Variants in USP31 observed in about 807,000 individuals in gnomAD.
The protein encoded by USP31 is ubiquitin carboxyl-terminal hydrolase 31.
Under a neutral mutation model 119.4 loss-of-function variants are expected in USP31, and 44 were observed. The ratio of observed to expected loss-of-function variants is 0.37; its 90% confidence interval spans 0.29 to 0.47. USP31 has a LOEUF of 0.47. Ranked by LOEUF, USP31 falls within the 20% of genes least tolerant of loss-of-function variation. The pLI is 0.99. For missense variants in USP31, 1,643 were observed against 1,730.2 expected, an observed-to-expected ratio of 0.95 and a Z score of 0.89; for synonymous variants, 749 against 705.6, an observed-to-expected ratio of 1.06 and a Z score of -0.97.
At position 23,068,136 on chromosome 16, in the gene USP31, A is replaced by G; in HGVS notation, c.3969T>C (p.Ser1323=). ...TCTCTGCAGACTGCCTGCCACCCGG[A>G]GACGAGGGAACTCCAGAGTCTAGTT... ...SSQLDSGVPS[S]PGGRQSAEKS... The change falls in exon 16 of 16, where the codon TCT becomes TCC. Residue 1323 remains serine (S), a synonymous_variant. Coordinates refer to ENST00000219689, the MANE Select transcript of USP31 (RefSeq NM_020718.4). 1 of 1,614,206 alleles carries G rather than the reference A, an allele frequency of 6.2e-7. No homozygotes were observed. The highest frequency in any genetic ancestry group is 8.5e-7 in the Non-Finnish European group (1 of 1,180,048).
chr16:23,140,657 T>C (rs1903328269), intron 1 of USP31, among the ~76,000 whole-genome samples: 1 of 152,136 alleles, frequency 6.6e-6, no homozygotes, highest in Non-Finnish European at 1.5e-5. Flanking sequence ...TGGTGACGCC[T>C]CCAAAATGTT....
At chr16:23,076,692 C>T (rs951883864) in intron 13 of USP31, among the ~76,000 whole-genome samples, 1 of 152,200 alleles carries the variant, frequency 6.6e-6, no homozygotes, top group African/African-American at 2.4e-5. Context: ...TAAAGTCTAG[C>T]CCTGTCTTAT....
At chr16:23,100,127 A>G (rs1901787344) in intron 6 of USP31, among the ~76,000 whole-genome samples, 1 of 152,152 alleles carries the variant, frequency 6.6e-6, no homozygotes, top group South Asian at 2.1e-4. Flanking sequence ...AAGTACCCCA[A>G]ATGATTAAAC....
chr16:23,083,977 C>T (rs527308781), intron 11 of USP31, among the ~76,000 whole-genome samples: 4 of 152,146 alleles, frequency 2.6e-5, no homozygotes, highest in Non-Finnish European at 5.9e-5. Flanking sequence ...CTATCTCTGT[C>T]TTAACGAGGC....
At chr16:23,083,324 T>C (rs1900922144) in intron 11 of USP31, among the ~76,000 whole-genome samples, 1 of 152,176 alleles carries the variant, frequency 6.6e-6, no homozygotes, top group South Asian at 2.1e-4. Context: ...TCCAGGAACT[T>C]TGCTTCCTTT....
intron 2 of USP31, 45 bp downstream of exon 2, chr16:23,108,001 A>G (rs374532865): frequency 7.0e-6 from 11 of 1,566,830 alleles, no homozygotes; most frequent in East Asian, 2.3e-5. Flanking sequence ...GAATCTACAC[A>G]CTCTCATGGC....
rs1205102447 is a variant in USP31, at chr16:23,106,480, G to A, written c.779C>T (p.Ser260Leu). 1 of 1,605,780 alleles carries A rather than the reference G, an allele frequency of 6.2e-7. No homozygotes were observed. Among genetic ancestry groups the A allele is most frequent in the East Asian group, 2.2e-5 (1 of 44,840 alleles). The change falls in exon 3 of 16, where the codon TCA becomes TTA. Residue 260 changes from serine (S) to leucine (L), a missense_variant. Transcript: ENST00000219689. ...TCCCTCAGGCATCATATCAGTCTCT[G>A]ATGGTGGCTAAAAAAAAAAGAAAGT... Reference protein sequence around the residue: ...QSGQPPLKPPSETDMMPEGPS... With the variant: ...QSGQPPLKPPLETDMMPEGPS...
At chr16:23,145,513 T>C (rs966126666) in intron 1 of USP31, among the ~76,000 whole-genome samples, 5 of 152,028 alleles carry the variant, frequency 3.3e-5, no homozygotes, top group Admixed American at 2.6e-4. Context: ...ATTGACATGG[T>C]TATAGCCAAT....
In USP31 at chr16:23,080,538, T is replaced by A. The variant is rs78524060; in HGVS notation, c.1951-367A>T. Among the ~76,000 whole-genome samples the A allele has an allele frequency of 7.0e-3, 1,062 of 152,316 alleles. 7 individuals are homozygous for A. The highest frequency in any genetic ancestry group is 0.024 in the African/African-American group (1,018 of 41,568). ...GAAAACTAATGATGTGATGGCTCCA[T>A]GAAGGGCAAACCACAGCGCCTGGTG... On this transcript the variant is annotated intron_variant, in intron 12 of 15. Transcript: ENST00000219689.
At chr16:23,143,718 T>C (rs1223858216) in intron 1 of USP31, among the ~76,000 whole-genome samples, 1 of 152,160 alleles carries the variant, frequency 6.6e-6, no homozygotes, top group Non-Finnish European at 1.5e-5. Flanking sequence ...GCCTCAGCAC[T>C]ACTGACACTT....
At chr16:23,134,891 TACAC>T (rs10580256) in intron 1 of USP31, among the ~76,000 whole-genome samples, 35,224 of 149,496 alleles carry the variant, frequency 0.24, 4,725 homozygotes, top group Admixed American at 0.32. Context: ...TGTTACCTTA[TACAC>T]ACACACACAC....
In USP31 at chr16:23,069,153, A is replaced by G; in HGVS notation, c.2952T>C (p.Asp984=). 6.2e-7 allele frequency: 1 copy of G among 1,614,020 alleles called. No individual in the cohort carries two copies. The highest frequency in any genetic ancestry group is 8.5e-7 in the Non-Finnish European group (1 of 1,180,024). Reference sequence around the variant, plus strand: ...CCACATAAGCGATCTGATTATTGTTATCAAATGGACCAGAGAGCGGGGGCA... The same window carrying G: ...CCACATAAGCGATCTGATTATTGTTGTCAAATGGACCAGAGAGCGGGGGCA... ...DRLPPLSGPF[D]NNNQIAYVDQ... The change falls in exon 16 of 16, where the codon GAT becomes GAC. Residue 984 remains aspartate, a synonymous_variant. Coordinates refer to ENST00000219689, the MANE Select transcript of USP31 (RefSeq NM_020718.4).
chr16:23,071,930 C>T, intron 15 of USP31, 115 bp downstream of exon 15: 1 of 1,399,188 alleles, frequency 7.1e-7, no homozygotes. Context: ...CCCTGTAGCT[C>T]CCTTTGGGTT....
chr16:23,075,843 T>C (rs1024346169), intron 13 of USP31, among the ~76,000 whole-genome samples: 3 of 152,088 alleles, frequency 2.0e-5, no homozygotes, highest in Non-Finnish European at 2.9e-5. Flanking sequence ...TCCCAACACT[T>C]TGTGAGGCTG....
intron 13 of USP31, among the ~76,000 whole-genome samples, chr16:23,075,896 G>A (rs1473538109): frequency 6.6e-6 from 1 of 152,126 alleles, no homozygotes; most frequent in African/African-American, 2.4e-5. Context: ...GACCAGTCTG[G>A]ACAACATAGT....
At chr16:23,136,120 G>C (rs1165361733) in intron 1 of USP31, among the ~76,000 whole-genome samples, 1 of 152,142 alleles carries the variant, frequency 6.6e-6, no homozygotes, top group Non-Finnish European at 1.5e-5. Flanking sequence ...TTGTCAACCA[G>C]GGTATAGTCC....
rs527721721 is a variant in USP31 at position 23,063,826 on chromosome 16, C to G, written c.*4220G>C. ...GCATGCTTTCTGAGTTATATGGAGG[C>G]CACGCACAATTGTTTTTACTTGGGG... On this transcript the variant is annotated 3_prime_UTR_variant, in exon 16 of 16. Coordinates refer to ENST00000219689, the MANE Select transcript of USP31 (RefSeq NM_020718.4). 3.3e-5 allele frequency: 5 copies of G among 151,766 alleles called. No homozygotes were observed. Among genetic ancestry groups the G allele is most frequent in the African/African-American group, 9.7e-5 (4 of 41,380 alleles). 9.4% of individuals were successfully genotyped at this position (151,766 alleles called of 1,614,324 possible). A position where few individuals can be genotyped will look rare whatever the true frequency, so the allele number is the denominator to read the frequency against.
chr16:23,123,583 T>C (rs1902751619), intron 1 of USP31, among the ~76,000 whole-genome samples: 1 of 151,984 alleles, frequency 6.6e-6, no homozygotes, highest in Admixed American at 6.6e-5. Flanking sequence ...AAAGTTGACA[T>C]TAAAAAGGAA....
chr16:23,137,238 C>T (rs184264163), intron 1 of USP31, among the ~76,000 whole-genome samples: 20 of 151,996 alleles, frequency 1.3e-4, no homozygotes, highest in Admixed American at 2.0e-4. Flanking sequence ...AAAAACAATG[C>T]GATACCACTT....
Sources: allele counts gnomAD v4.1 joint callset (sites outside exome capture counted in the v4.1 genomes callset), GRCh38; gene constraint gnomAD v4.1.1; transcripts MANE v1.5; gene names NCBI Gene and HGNC (gene_info 2026-07-23, HGNC 2026-07-21).